ACVR1B: variants seen among roughly 807,000 people sequenced by gnomAD.
ACVR1B encodes activin A receptor type 1B, also known as activin receptor type-1B.
Under a neutral mutation model 55.6 loss-of-function variants are expected in ACVR1B, and 15 were observed. The observed-to-expected ratio is 0.27, with a 90% CI of 0.18 to 0.42. ACVR1B has a LOEUF of 0.42. Ranked by LOEUF, ACVR1B falls within the 10% of genes least tolerant of loss-of-function variation. The probability of loss-of-function intolerance (pLI) is 1.00; values close to 1 mark genes in which losing one functional copy is unlikely to be tolerated. For missense variants in ACVR1B, 359 were observed against 670.1 expected, an observed-to-expected ratio of 0.54 and a Z score of 5.13; for synonymous variants, 247 against 254.6, an observed-to-expected ratio of 0.97 and a Z score of 0.28.
At chr12:51,952,829 C>A (rs1442980710) in intron 1 of ACVR1B, among the ~76,000 whole-genome samples, 3 of 140,750 alleles carry the variant, frequency 2.1e-5, no homozygotes, top group Non-Finnish European at 3.1e-5. Context: ...CACCCTCACA[C>A]ACCCCTTACC....
chr12:51,986,791 G>T (rs776150905), intron 6 of ACVR1B, 27 bp from the exon 7 acceptor site: 2 of 1,595,614 alleles, frequency 1.3e-6, no homozygotes, highest in Non-Finnish European at 1.7e-6. Flanking sequence ...TTTTCTGTGC[G>T]TGACCATGTT....
chr12:51,996,516 C>T lies in ACVR1B; in HGVS notation c.*2406C>T, dbSNP rs185587553. On this transcript the variant is annotated 3_prime_UTR_variant, in exon 9 of 9. Coordinates refer to ENST00000257963, the MANE Select transcript of ACVR1B (RefSeq NM_004302.5). ...CCCTGCTGACCTCCCACCTATCCGC[C>T]CTGCAGCAGAACCTTGGCGGTTTAT... The T allele has an allele frequency of 1.3e-5, 2 of 152,792 alleles. No homozygotes were observed. The highest frequency in any genetic ancestry group is 2.1e-4 in the South Asian group (1 of 4,828). 9.5% of individuals were successfully genotyped at this position (152,792 alleles called of 1,614,324 possible). A position where few individuals can be genotyped will look rare whatever the true frequency, so the allele number is the denominator to read the frequency against.
chr12:51,985,394 G>T, intron 6 of ACVR1B, 46 bp downstream of exon 6: 1 of 1,567,106 alleles, frequency 6.4e-7, no homozygotes, highest in Non-Finnish European at 8.6e-7. Flanking sequence ...CTTCTACTGA[G>T]TATCCCATCT....
At chr12:51,964,988 G>T in intron 1 of ACVR1B, among the ~76,000 whole-genome samples, 1 of 149,648 alleles carries the variant, frequency 6.7e-6, no homozygotes. Context: ...TTTCATTTCT[G>T]GAAAAAAACA....
At chr12:51,963,710 T>C (rs1182998833) in intron 1 of ACVR1B, among the ~76,000 whole-genome samples, 2 of 152,240 alleles carry the variant, frequency 1.3e-5, no homozygotes, top group African/African-American at 4.8e-5. Flanking sequence ...ATTTGGGTGG[T>C]TTCCACCTTT....
intron 1 of ACVR1B, among the ~76,000 whole-genome samples, chr12:51,968,431 C>T (rs1271709396): frequency 3.9e-5 from 6 of 152,066 alleles, no homozygotes; most frequent in African/African-American, 1.4e-4. Context: ...ATATATGGGA[C>T]GTTTTAGACC....
In ACVR1B at chr12:51,996,887, C is replaced by T. The variant is rs1033440556; in HGVS notation, c.*2777C>T. ...GTTCTTACGTCGCCATAAAGGCCCC[C>T]GAACGGCATTCTCGGTACTTCTGTT... is the stretch of plus-strand genomic sequence containing the variant. On this transcript the variant is annotated 3_prime_UTR_variant, in exon 9 of 9. Transcript: ENST00000257963. 2 of 152,574 alleles carry T rather than the reference C, an allele frequency of 1.3e-5. No homozygotes were observed. The highest frequency in any genetic ancestry group is 2.9e-5 in the Non-Finnish European group (2 of 68,050). 9.5% of individuals were successfully genotyped at this position (152,574 alleles called of 1,614,324 possible).
At chr12:51,959,035 G>C (rs1219423764) in intron 1 of ACVR1B, among the ~76,000 whole-genome samples, 1 of 152,226 alleles carries the variant, frequency 6.6e-6, no homozygotes, top group African/African-American at 2.4e-5. Flanking sequence ...CTTCTGCCAG[G>C]TGAGGTGGAC....
intron 6 of ACVR1B, among the ~76,000 whole-genome samples, chr12:51,985,685 TCTC>T (rs922956496): frequency 3.6e-4 from 55 of 152,208 alleles, no homozygotes; most frequent in African/African-American, 1.2e-3. Context: ...AACACTGTCA[TCTC>T]CTGTGCAGAG....
intron 7 of ACVR1B, among the ~76,000 whole-genome samples, chr12:51,990,411 G>T (rs1445185792): frequency 6.7e-6 from 1 of 148,446 alleles, no homozygotes; most frequent in East Asian, 2.0e-4. Flanking sequence ...ACCTCTCCAG[G>T]CTCAGGGGAA....
intron 1 of ACVR1B, among the ~76,000 whole-genome samples, chr12:51,972,365 A>G (rs1941761329): frequency 6.6e-6 from 1 of 152,224 alleles, no homozygotes; most frequent in African/African-American, 2.4e-5. Flanking sequence ...GTCCCATAAG[A>G]TTATAATGCT....
chr12:51,981,264 G>A, intron 4 of ACVR1B, 65 bp downstream of exon 4: 1 of 1,362,536 alleles, frequency 7.3e-7, no homozygotes, highest in South Asian at 1.2e-5. Context: ...CATAGCTATG[G>A]GGTGCACAGC....
At chr12:51,952,419 A>G (rs1941318253) in intron 1 of ACVR1B, among the ~76,000 whole-genome samples, 1 of 152,092 alleles carries the variant, frequency 6.6e-6, no homozygotes, top group South Asian at 2.1e-4. Context: ...ATGTTCTGGG[A>G]AAGGGAGTCA....
At chr12:51,986,324 T>C (rs1167243943) in intron 6 of ACVR1B, among the ~76,000 whole-genome samples, 1 of 152,238 alleles carries the variant, frequency 6.6e-6, no homozygotes, top group Non-Finnish European at 1.5e-5. Flanking sequence ...AATGGCACAG[T>C]CATGGCTCAC....
At chr12:51,957,707 G>C (rs574583394) in intron 1 of ACVR1B, among the ~76,000 whole-genome samples, 1 of 152,088 alleles carries the variant, frequency 6.6e-6, no homozygotes, top group Non-Finnish European at 1.5e-5. Context: ...GCCTGGCTTT[G>C]TTTCTGTTTA....
chr12:51,980,860 A>G, intron 3 of ACVR1B, 109 bp from the exon 4 acceptor site: 1 of 865,946 alleles, frequency 1.2e-6, no homozygotes, highest in Non-Finnish European at 1.8e-6. Flanking sequence ...TGGACAGCGT[A>G]GGATGAAGAC....
At position 51,981,194 on chromosome 12, in the gene ACVR1B, A is replaced by G. The variant is rs1320706593; in HGVS notation, c.806A>G (p.Asn269Ser). The G allele has an allele frequency of 1.2e-6, 2 of 1,613,998 alleles. No homozygotes were observed. Among genetic ancestry groups the G allele is most frequent in the Admixed American group, 1.7e-5 (1 of 60,020 alleles). Residue 269 changes from asparagine (N) to serine (S), a missense_variant, in exon 4 of 9, where the codon AAT becomes AGT. Coordinates refer to ENST00000257963, the MANE Select transcript of ACVR1B (RefSeq NM_004302.5). ...ATCCTTGGATTTATTGCTGCTGACA[A>G]TAAAGGTAAGGGCTGGGCTTGGATA... ...ENILGFIAAD[N>S]KDNGTWTQLW... is the part of the protein sequence containing the mutation.
At chr12:51,975,201 T>C (rs1941824681) in intron 1 of ACVR1B, 64 bp from the exon 2 acceptor site, 1 of 1,564,854 alleles carries the variant, frequency 6.4e-7, no homozygotes, top group African/African-American at 1.4e-5. Flanking sequence ...TATTCTAAGT[T>C]TGGAAAAGGA....
At chr12:51,951,925 C>T (rs1941304764) in intron 1 of ACVR1B, 91 bp downstream of exon 1, 1 of 787,370 alleles carries the variant, frequency 1.3e-6, no homozygotes, top group African/African-American at 1.8e-5. Context: ...ACAGCGCGCC[C>T]CCTCCCCACG....
Sources: allele counts gnomAD v4.1 joint callset (sites outside exome capture counted in the v4.1 genomes callset), GRCh38; gene constraint gnomAD v4.1.1; transcripts MANE v1.5; gene names NCBI Gene and HGNC (gene_info 2026-07-23, HGNC 2026-07-21).